ZCWPW2: variants seen among roughly 807,000 people sequenced by gnomAD.
The protein encoded by ZCWPW2 is zinc finger CW-type PWWP domain protein 2.
In ZCWPW2, 45 loss-of-function variants were observed where a neutral mutation model predicts 46.6. That is an observed-to-expected ratio of 0.96 (90% CI 0.76 to 1.24). ZCWPW2 has a LOEUF of 1.24. Ranked by LOEUF, ZCWPW2 falls within the 50% of genes most tolerant of loss-of-function variation. The probability of loss-of-function intolerance (pLI) is 0.00; values close to 1 mark genes in which losing one functional copy is unlikely to be tolerated. For missense variants in ZCWPW2, 429 were observed against 403.9 expected, an observed-to-expected ratio of 1.06 and a Z score of -0.53; for synonymous variants, 152 against 137.1, an observed-to-expected ratio of 1.11 and a Z score of -0.76.
intron 2 of ZCWPW2, among the ~76,000 whole-genome samples, chr3:28,403,964 C>G (rs1696052056): frequency 1.3e-5 from 2 of 152,054 alleles, no homozygotes; most frequent in African/African-American, 4.8e-5. Context: ...TTGGAAAACC[C>G]CTTCTAGACA....
intron 9 of ZCWPW2, among the ~76,000 whole-genome samples, chr3:28,523,112 GGAGAC>G (rs1169233778): frequency 6.6e-6 from 1 of 152,150 alleles, no homozygotes; most frequent in African/African-American, 2.4e-5. Flanking sequence ...TCACCAGGCA[GGAGAC>G]TGCTTGTTGT....
At chr3:28,433,832 T>C (rs1453586349) in intron 3 of ZCWPW2, among the ~76,000 whole-genome samples, 1 of 150,668 alleles carries the variant, frequency 6.6e-6, no homozygotes, top group African/African-American at 2.4e-5. Context: ...GAGGATCAAA[T>C]TGATAATCAA....
chr3:28,495,433 G>A (rs1347106648), intron 6 of ZCWPW2, among the ~76,000 whole-genome samples: 2 of 152,050 alleles, frequency 1.3e-5, no homozygotes, highest in Non-Finnish European at 2.9e-5. Context: ...TATAAAGATA[G>A]TAACTAGTGT....
rs747389442 is a variant in ZCWPW2 at position 28,478,817 on chromosome 3, GA to G, written c.500del (p.Lys167SerfsTer77). 51 of 1,520,318 alleles carry G rather than the reference GA, an allele frequency of 3.4e-5. No homozygotes were observed. Among genetic ancestry groups the G allele is most frequent in the Non-Finnish European group, 4.3e-5 (49 of 1,136,586 alleles). The allele number at this position is 1,520,318 out of a possible 1,614,324, so 94.2% of individuals were successfully genotyped here. A position where few individuals can be genotyped will look rare whatever the true frequency, so the allele number is the denominator to read the frequency against. The stretch of plus-strand genomic sequence containing the variant: ...TCTTTTTTCTGTATTTATATAGCCA[GA>G]AAAGTGTAAGAATAAAAAGAAGTGG... The part of the protein sequence containing the change: ...VGHYSITLKP[E>X]KCKNKKKWYK... On this transcript the variant is annotated frameshift_variant, in exon 5 of 10. Coordinates refer to ENST00000383768, the MANE Select transcript of ZCWPW2 (RefSeq NM_001040432.4). LOFTEE classifies it high-confidence loss of function.
chr3:28,395,045 A>C (rs1695641897), intron 2 of ZCWPW2, among the ~76,000 whole-genome samples: 1 of 152,152 alleles, frequency 6.6e-6, no homozygotes, highest in Non-Finnish European at 1.5e-5. Context: ...TAAGGAATTC[A>C]TACAATTCTG....
chr3:28,469,960 A>G (rs942962855), intron 4 of ZCWPW2, among the ~76,000 whole-genome samples: 2 of 152,170 alleles, frequency 1.3e-5, no homozygotes, highest in Non-Finnish European at 2.9e-5. Flanking sequence ...ATTTCATCCT[A>G]TGGCTGCAGA....
intron 4 of ZCWPW2, among the ~76,000 whole-genome samples, chr3:28,458,216 G>A (rs948079120): frequency 6.6e-6 from 1 of 152,126 alleles, no homozygotes; most frequent in Non-Finnish European, 1.5e-5. Context: ...GTAAACTTAT[G>A]CAAGTTCTAA....
At chr3:28,389,259 G>T (rs140842919) in intron 1 of ZCWPW2, among the ~76,000 whole-genome samples, 1,788 of 152,180 alleles carry the variant, frequency 0.012, 15 homozygotes, top group Middle Eastern at 0.02. Flanking sequence ...TCCCCTTCAG[G>T]GCAGACCTAG....
At chr3:28,375,789 C>T (rs1455506819) in intron 1 of ZCWPW2, among the ~76,000 whole-genome samples, 11 of 151,790 alleles carry the variant, frequency 7.2e-5, no homozygotes, top group South Asian at 2.1e-4. Context: ...TACCATCCCC[C>T]GTCTACTGTT....
rs567443396 is a variant in ZCWPW2 at position 28,495,440 on chromosome 3, G to A, written c.657+3267G>A. Among the ~76,000 whole-genome samples, 53 of 152,180 alleles carry A rather than the reference G, an allele frequency of 3.5e-4. No individual in the cohort carries two copies. In the South Asian group the frequency reaches 0.011, roughly 31 times the overall value. On this transcript the variant is annotated intron_variant, in intron 6 of 9. Coordinates refer to ENST00000383768, the MANE Select transcript of ZCWPW2 (RefSeq NM_001040432.4). ...TCAAAGACTATAAAGATAGTAACTA[G>A]TGTTTCTATATATTGCTTTTATTTG...
intron 1 of ZCWPW2, among the ~76,000 whole-genome samples, chr3:28,370,363 T>G (rs773610652): frequency 3.9e-5 from 6 of 152,204 alleles, no homozygotes; most frequent in Non-Finnish European, 7.3e-5. Context: ...GCTAGCAGTT[T>G]TAGAATAGAT....
intron 5 of ZCWPW2, among the ~76,000 whole-genome samples, chr3:28,483,832 G>T (rs1405708425): frequency 2.0e-5 from 3 of 152,188 alleles, no homozygotes; most frequent in South Asian, 2.1e-4. Flanking sequence ...TATTAACCTT[G>T]TATCCTGCAA....
intron 4 of ZCWPW2, among the ~76,000 whole-genome samples, chr3:28,472,588 T>G (rs532394322): frequency 1.1e-4 from 17 of 152,266 alleles, no homozygotes; most frequent in Non-Finnish European, 2.4e-4. Context: ...GATTAAAGAC[T>G]AAAATCTAAG....
intron 8 of ZCWPW2, among the ~76,000 whole-genome samples, chr3:28,518,596 C>T (rs1700641530): frequency 1.3e-5 from 2 of 152,174 alleles, no homozygotes; most frequent in African/African-American, 4.8e-5. Flanking sequence ...GATCAAAAGG[C>T]AGTGTACATA....
At position 28,524,521 on chromosome 3, in the gene ZCWPW2, T is replaced by C; in HGVS notation, c.910-6T>C. The C allele has an allele frequency of 6.2e-7, 1 of 1,602,326 alleles. No homozygotes were observed. Among genetic ancestry groups the C allele is most frequent in the South Asian group, 1.1e-5 (1 of 87,592 alleles). The stretch of plus-strand genomic sequence containing the variant: ...AGTTCCGATTAATTATATGGTTGTT[T>C]TGCAGTTATCTAAATGCAGCCCAGA... On this transcript the variant is annotated splice_region_variant and splice_polypyrimidine_tract_variant and intron_variant, in intron 9 of 9. Transcript: ENST00000383768.
At chr3:28,351,346 G>A (rs576897827) in intron 1 of ZCWPW2, among the ~76,000 whole-genome samples, 2 of 151,096 alleles carry the variant, frequency 1.3e-5, no homozygotes, top group South Asian at 2.1e-4. Flanking sequence ...CTCCCATCAG[G>A]GAAAGGGCTC....
intron 1 of ZCWPW2, among the ~76,000 whole-genome samples, chr3:28,373,026 C>T (rs963407529): frequency 2.6e-5 from 4 of 152,186 alleles, no homozygotes; most frequent in African/African-American, 9.7e-5. Flanking sequence ...TCTATCTACA[C>T]AGACCCCCTA....
At chr3:28,427,210 G>A (rs1575120588) in intron 3 of ZCWPW2, among the ~76,000 whole-genome samples, 2 of 152,222 alleles carry the variant, frequency 1.3e-5, no homozygotes, top group African/African-American at 2.4e-5. Flanking sequence ...TTTCTCATCC[G>A]AGTAAAAGGA....
At chr3:28,503,040 T>A (rs1276027214) in intron 6 of ZCWPW2, among the ~76,000 whole-genome samples, 1 of 152,166 alleles carries the variant, frequency 6.6e-6, no homozygotes, top group African/African-American at 2.4e-5. Context: ...CCGTACATAA[T>A]GCCCATTTAA....
Sources: gnomAD v4.1 joint callset for allele counts (sites outside exome capture counted in the v4.1 genomes callset) on GRCh38, gnomAD v4.1.1 for gene constraint, MANE v1.5 for transcripts, NCBI Gene and HGNC (gene_info 2026-07-23, HGNC 2026-07-21) for gene names.